The following PREX2 variants were observed in gnomAD, a reference collection of about 807,000 sequenced individuals.
PREX2 encodes phosphatidylinositol 3,4,5-trisphosphate-dependent Rac exchanger 2 protein.
PREX2 carries 107 observed loss-of-function variants against 203.2 expected under a neutral mutation model. The ratio of observed to expected loss-of-function variants is 0.53; its 90% CI spans 0.45 to 0.62. The LOEUF is 0.62. Ranked by LOEUF, PREX2 falls within the 20% of genes least tolerant of loss-of-function variation. The pLI is 0.00. For missense variants in PREX2, 1,777 were observed against 1,955.9 expected, an observed-to-expected ratio of 0.91 and a Z score of 1.72; for synonymous variants, 672 against 663.6, an observed-to-expected ratio of 1.01 and a Z score of -0.19.
In PREX2 at chr8:67,989,017, T is replaced by C. The variant is rs557897048; in HGVS notation, c.142-28829T>C. The stretch of plus-strand genomic sequence containing the variant: ...ATTCACAGGCCACTGTTTTGTGACC[T>C]CTGCCTGGGGACATGAGTACCTGCT... On this transcript the variant is annotated intron_variant, in intron 1 of 39. Transcript: ENST00000288368. 1.6e-4 allele frequency among the ~76,000 whole-genome samples: 25 copies of C among 152,330 alleles called. No individual in the cohort carries two copies. In the South Asian group the frequency reaches 4.4e-3, roughly 27 times the overall value.
In PREX2 at chr8:68,006,525, G is replaced by T. The variant is rs188966671; in HGVS notation, c.142-11321G>T. Among the ~76,000 whole-genome samples the T allele has an allele frequency of 3.7e-3, 559 of 152,212 alleles. 2 individuals carry two copies. The highest frequency in any genetic ancestry group is 0.01 in the Middle Eastern group (3 of 294). ...CCGTCAGGGTCACCTTTAGACCAGT[G>T]ATCAGCTACTATATGTCATCTCCCT... On this transcript the variant is annotated intron_variant, in intron 1 of 39. Coordinates refer to ENST00000288368, the MANE Select transcript of PREX2 (RefSeq NM_024870.4).
At chr8:68,075,521 C>T (rs1276592517) in intron 14 of PREX2, among the ~76,000 whole-genome samples, 6 of 152,150 alleles carry the variant, frequency 3.9e-5, no homozygotes, top group Non-Finnish European at 8.8e-5. Context: ...GGGTCACCTT[C>T]TGTGGTCCCA....
intron 3 of PREX2, among the ~76,000 whole-genome samples, chr8:68,021,824 A>G (rs986586337): frequency 6.6e-6 from 1 of 152,130 alleles, no homozygotes; most frequent in Non-Finnish European, 1.5e-5. Context: ...AATTCATCAC[A>G]ATGGAGTATA....
At chr8:68,055,642 G>GA (rs2129611202) in intron 9 of PREX2, among the ~76,000 whole-genome samples, 188 bp from the exon 10 acceptor site, 1 of 152,230 alleles carries the variant, frequency 6.6e-6, no homozygotes, top group East Asian at 1.9e-4. Context: ...ATACCCTGGG[G>GA]ATCTTGCCTT....
intron 14 of PREX2, among the ~76,000 whole-genome samples, chr8:68,076,646 G>GA (rs748138010): frequency 6.7e-6 from 1 of 149,046 alleles, no homozygotes; most frequent in Non-Finnish European, 1.5e-5. Context: ...TAATATGTGA[G>GA]AAAAAAGCTG....
chr8:68,043,334 G>A (rs1040600904), intron 7 of PREX2, among the ~76,000 whole-genome samples: 3 of 152,126 alleles, frequency 2.0e-5, no homozygotes, highest in Non-Finnish European at 4.4e-5. Flanking sequence ...TCTTTATAGA[G>A]ATGAAGGACT....
At chr8:68,034,776 A>C (rs1807982325) in intron 6 of PREX2, among the ~76,000 whole-genome samples, 1 of 152,112 alleles carries the variant, frequency 6.6e-6, no homozygotes, top group African/African-American at 2.4e-5. Flanking sequence ...ATTGACTTCA[A>C]GTCATGTTTC....
intron 39 of PREX2, among the ~76,000 whole-genome samples, chr8:68,224,999 T>C (rs1295367131): frequency 6.6e-6 from 1 of 152,160 alleles, no homozygotes; most frequent in Non-Finnish European, 1.5e-5. Context: ...GGGAAACTCC[T>C]ATTTCACTGC....
chr8:68,116,976 C>T (rs887749907), intron 26 of PREX2, among the ~76,000 whole-genome samples: 1 of 152,314 alleles, frequency 6.6e-6, no homozygotes, highest in Admixed American at 6.5e-5. Flanking sequence ...TGAGGACTGT[C>T]ATAACCAGCC....
At chr8:68,043,939 T>A (rs1183812647) in intron 7 of PREX2, among the ~76,000 whole-genome samples, 1 of 152,114 alleles carries the variant, frequency 6.6e-6, no homozygotes, top group Non-Finnish European at 1.5e-5. Flanking sequence ...CATGAAGGAT[T>A]GCAAAGGTAT....
intron 35 of PREX2, among the ~76,000 whole-genome samples, chr8:68,184,187 A>G (rs1475494152): frequency 6.6e-6 from 1 of 152,088 alleles, no homozygotes; most frequent in Non-Finnish European, 1.5e-5. Context: ...GTATTCTTTA[A>G]CCACATGTGG....
rs750926393 is a variant in PREX2, at chr8:68,134,917, T to A, written c.3984+641T>A. Among the ~76,000 whole-genome samples the A allele has an allele frequency of 1.8e-4, 28 of 152,230 alleles. 1 individual carries two copies. ...GTGAACTTAAGAGTTTTTTCACGTA[T>A]ACCTCCTGTGGTTTGGATAGTTATC... On this transcript the variant is annotated intron_variant, in intron 32 of 39. Transcript: ENST00000288368.
intron 24 of PREX2, 59 bp from the exon 25 acceptor site, chr8:68,109,357 G>C: frequency 8.0e-7 from 1 of 1,244,564 alleles, no homozygotes; most frequent in Non-Finnish European, 1.1e-6. Flanking sequence ...AATTGGACTG[G>C]GTTGTTATCG....
intron 19 of PREX2, among the ~76,000 whole-genome samples, chr8:68,089,627 A>G (rs1809806732): frequency 6.6e-6 from 1 of 152,120 alleles, no homozygotes; most frequent in Non-Finnish European, 1.5e-5. Flanking sequence ...TTCCCCTAAG[A>G]CTCAATTCAA....
Position 68,134,205 on chromosome 8 carries a change from AG to A in PREX2, c.3915del (p.Arg1306GlyfsTer6). The A allele has an allele frequency of 4.3e-6, 7 of 1,614,158 alleles. No homozygotes were observed. Among genetic ancestry groups the A allele is most frequent in the Non-Finnish European group, 5.9e-6 (7 of 1,179,990 alleles). ...TGAGATGGAAACTTGGGAAGCCAGC[AG>A]GAGGTGGCTGGACCAGATAGCGAAT... Reference protein sequence around the residue: ...ENEMETWEASRRWLDQIANAG... With the variant: ...ENEMETWEASXRWLDQIANAG... On this transcript the variant is annotated frameshift_variant, in exon 32 of 40. Transcript: ENST00000288368. LOFTEE classifies it high-confidence loss of function.
chr8:68,005,221 T>C (rs1807058422), intron 1 of PREX2, among the ~76,000 whole-genome samples: 1 of 152,152 alleles, frequency 6.6e-6, no homozygotes, highest in Admixed American at 6.5e-5. Context: ...TCTCTTCCGC[T>C]CACAATTCAC....
At chr8:68,067,908 G>A (rs1242965973) in intron 11 of PREX2, among the ~76,000 whole-genome samples, 1 of 152,006 alleles carries the variant, frequency 6.6e-6, no homozygotes, top group Non-Finnish European at 1.5e-5. Flanking sequence ...TTTGTTGAGA[G>A]CTTTCATTAT....
chr8:68,127,255 C>G (rs1810910627), intron 30 of PREX2, 123 bp from the exon 31 acceptor site: 2 of 670,528 alleles, frequency 3.0e-6, no homozygotes, highest in Admixed American at 2.8e-5. Flanking sequence ...AATGGCAAAA[C>G]CACAACTACT....
intron 35 of PREX2, among the ~76,000 whole-genome samples, chr8:68,190,782 G>A (rs938037185): frequency 2.0e-5 from 3 of 151,618 alleles, no homozygotes; most frequent in African/African-American, 7.3e-5. Flanking sequence ...GCTAAATTTT[G>A]TATTATACTG....
Sources: gnomAD v4.1 joint callset for allele counts (sites outside exome capture counted in the v4.1 genomes callset) on GRCh38, gnomAD v4.1.1 for gene constraint, MANE v1.5 for transcripts, NCBI Gene and HGNC (gene_info 2026-07-23, HGNC 2026-07-21) for gene names.